The following DST variants were observed in gnomAD, a reference collection of about 807,000 sequenced individuals.
The protein encoded by DST is dystonin.
DST carries 253 observed loss-of-function variants against 875.2 expected under a neutral mutation model. The ratio of observed to expected loss-of-function variants is 0.29; its 90% CI spans 0.26 to 0.32. The LOEUF is 0.32. Among genes scored for constraint, DST ranks in the 10% least tolerant of loss-of-function variants. The pLI is 1.00. For synonymous variants in DST, 3,124 were observed against 3,197.1 expected (o/e 0.98, Z 0.77); for missense variants, 8,287 against 9,111.6 (o/e 0.91, Z 3.68).
intron 3 of DST, among the ~76,000 whole-genome samples, chr6:56,868,594 A>G (rs1236151311): frequency 6.6e-6 from 1 of 152,204 alleles, no homozygotes; most frequent in African/African-American, 2.4e-5. Flanking sequence ...GGACTACAAC[A>G]TTTTTTTAGA....
Position 56,529,951 on chromosome 6 carries a change from C to T in DST, c.17268+23G>A, listed in dbSNP as rs769353252. 3.7e-5 allele frequency: 60 copies of T among 1,611,170 alleles called. No individual in the cohort carries two copies. In the South Asian group the frequency reaches 4.8e-4, roughly 13 times the overall value. ...ACCACACAATAAAAACTGAACCTCG[C>T]TAATGTGTGATTTATATCTTACTTT... On this transcript the variant is annotated intron_variant, in intron 65 of 103. Coordinates refer to ENST00000680361, the MANE Select transcript of DST (RefSeq NM_001374736.1).
In DST at chr6:56,485,452, C is replaced by T. The variant is rs756424409; in HGVS notation, c.21067G>A (p.Ala7023Thr). Residue 7023 changes from alanine (A) to threonine (T), a missense_variant, in exon 88 of 104, where the codon GCC becomes ACC. Ala to Thr is a moderately conservative substitution (Grantham distance 58). Coordinates refer to ENST00000680361, the MANE Select transcript of DST (RefSeq NM_001374736.1). ...SVERQNKLEE[A>T]LLFSGQFTDA... ...GTGAATTGTCCAGAAAATAACAGGG[C>T]TTCCTCCAATTTGTTTTGTCTAGGG... 3.1e-6 allele frequency: 5 copies of T among 1,613,534 alleles called. No individual in the cohort carries two copies. The African/African-American group carries it at 5.3e-5, about 17-fold the overall frequency.
intron 15 of DST, chr6:56,642,823 T>G (rs550343296): frequency 1.9e-6 from 3 of 1,612,898 alleles, no homozygotes; most frequent in African/African-American, 1.3e-5. Flanking sequence ...TCTTTCACCT[T>G]TCAAAGTAGA....
At chr6:56,586,988 C>G (rs935073891) in intron 49 of DST, among the ~76,000 whole-genome samples, 2 of 152,186 alleles carry the variant, frequency 1.3e-5, no homozygotes, top group Non-Finnish European at 2.9e-5. Flanking sequence ...ACTGGAAACT[C>G]TAAAAAGTGG....
intron 36 of DST, chr6:56,615,932 C>A: frequency 6.2e-7 from 1 of 1,614,200 alleles, no homozygotes; most frequent in Non-Finnish European, 8.5e-7. Context: ...CTGGGCAAAC[C>A]CCTCATCAAC....
chr6:56,608,328 G>C lies in DST; in HGVS notation c.6300C>G (p.Ile2100Met). ...CAGCTATTTTTTGTCTGCCATTCAGGATTTTGTAGGCCAATTCATTTGTAA... is the reference window on the plus strand; with the variant it reads ...CAGCTATTTTTTGTCTGCCATTCAGCATTTTGTAGGCCAATTCATTTGTAA... ...ELITNELAYK[I>M]LNGRQKIAAL... Residue 2100 changes from isoleucine (I) to methionine (M), a missense_variant, in exon 40 of 104, where the codon ATC becomes ATG. Ile to Met is a conservative substitution (Grantham distance 10). Around this residue, in one of 10 missense-constraint regions of DST, gnomAD observed 3,138 missense variants for 3,116.6 expected, o/e 1.01. Transcript: ENST00000680361. The C allele has an allele frequency of 1.2e-6, 2 of 1,612,806 alleles. No individual in the cohort carries two copies. Among genetic ancestry groups the C allele is most frequent in the African/African-American group, 1.3e-5 (1 of 75,014 alleles).
chr6:56,509,226 G>C (rs546822489), intron 74 of DST, among the ~76,000 whole-genome samples: 4 of 152,094 alleles, frequency 2.6e-5, no homozygotes, highest in Admixed American at 2.6e-4. Flanking sequence ...CCCTCAGCTC[G>C]TATCTCAAAG....
chr6:56,588,374 T>C (rs1354670890), intron 49 of DST, among the ~76,000 whole-genome samples: 1 of 152,190 alleles, frequency 6.6e-6, no homozygotes, highest in African/African-American at 2.4e-5. Flanking sequence ...TGAACTTGGC[T>C]CTTCTTCACC....
chr6:56,864,737 C>T (rs982382703), intron 3 of DST, among the ~76,000 whole-genome samples: 2 of 152,080 alleles, frequency 1.3e-5, no homozygotes, highest in African/African-American at 4.8e-5. Context: ...ATTTCCATAG[C>T]ATTTTATTAT....
Position 56,909,107 on chromosome 6 carries a change from T to C in DST, c.217-8486A>G, listed in dbSNP as rs148446675. ...CAAGAACCCTCTCTGGGGGTCTCAA[T>C]CAGGACTCCTTTCCTGTAACACCAC... On this transcript the variant is annotated intron_variant, in intron 2 of 103. Coordinates refer to ENST00000680361, the MANE Select transcript of DST (RefSeq NM_001374736.1). 6.3e-3 allele frequency among the ~76,000 whole-genome samples: 966 copies of C among 152,326 alleles called. 1 individual carries two copies. The highest frequency in any genetic ancestry group is 0.01 in the Non-Finnish European group (699 of 68,022).
chr6:56,691,429 T>C (rs1049611445), intron 9 of DST, among the ~76,000 whole-genome samples: 5 of 152,178 alleles, frequency 3.3e-5, no homozygotes, highest in Non-Finnish European at 7.3e-5. Flanking sequence ...TGGCGCACAC[T>C]AACCCTCATA....
intron 72 of DST, among the ~76,000 whole-genome samples, chr6:56,514,104 T>A (rs1359691969): frequency 6.6e-6 from 1 of 152,216 alleles, no homozygotes; most frequent in Non-Finnish European, 1.5e-5. Flanking sequence ...GCTTAAAGAT[T>A]ATGCAAAAAG....
rs201953668 is a variant in DST, at chr6:56,640,652, T to C, written c.2028-47A>G. The stretch of plus-strand genomic sequence containing the variant: ...ATAAGGTGAAATATAAAGGCACTTG[T>C]AACAAAGAGTGAACTCTAATGTTAA... On this transcript the variant is annotated intron_variant, in intron 17 of 103. Transcript: ENST00000680361. The C allele has an allele frequency of 2.7e-4, 370 of 1,371,910 alleles. No individual in the cohort carries two copies. In the Middle Eastern group the frequency reaches 3.9e-3, roughly 14 times the overall value. 85.0% of individuals were successfully genotyped at this position (1,371,910 alleles called of 1,614,324 possible).
At chr6:56,588,346 A>T (rs1219469112) in intron 49 of DST, among the ~76,000 whole-genome samples, 1 of 152,140 alleles carries the variant, frequency 6.6e-6, no homozygotes, top group Non-Finnish European at 1.5e-5. Flanking sequence ...TTTTTCATGC[A>T]ACCTACCCCC....
intron 3 of DST, among the ~76,000 whole-genome samples, chr6:56,891,226 C>T (rs1374230680): frequency 6.6e-6 from 1 of 152,168 alleles, no homozygotes; most frequent in East Asian, 1.9e-4. Context: ...TGACAACGTC[C>T]AGTCTCTCAG....
intron 78 of DST, among the ~76,000 whole-genome samples, chr6:56,501,908 G>C (rs1256877651): frequency 6.6e-6 from 1 of 151,992 alleles, no homozygotes; most frequent in African/African-American, 2.4e-5. Context: ...TGGATGGATA[G>C]ATGTTTCTAT....
Position 56,794,910 on chromosome 6 carries a change from T to C in DST, c.625+56487A>G, listed in dbSNP as rs140348655. 9.1e-3 allele frequency among the ~76,000 whole-genome samples: 1,384 copies of C among 152,160 alleles called. 17 individuals carry two copies. The highest frequency in any genetic ancestry group is 0.031 in the African/African-American group (1,273 of 41,514). The stretch of plus-strand genomic sequence containing the variant: ...ATTCTGATCCCAGGAGTTCCCCCAC[T>C]GCAATGACCCAGCCAGATCCTATGG... On this transcript the variant is annotated intron_variant, in intron 4 of 103. Transcript: ENST00000680361.
At chr6:56,741,319 G>A (rs1052522949) in intron 4 of DST, among the ~76,000 whole-genome samples, 4 of 152,254 alleles carry the variant, frequency 2.6e-5, no homozygotes, top group South Asian at 4.1e-4. Flanking sequence ...ATTATGATCC[G>A]TAACTAAAGT....
At chr6:56,824,656 C>T (rs926594674) in intron 4 of DST, among the ~76,000 whole-genome samples, 2 of 152,176 alleles carry the variant, frequency 1.3e-5, no homozygotes, top group Admixed American at 6.5e-5. Context: ...TGACCGGCCG[C>T]GACCCCGTCT....
Sources: allele counts gnomAD v4.1 joint callset (sites outside exome capture counted in the v4.1 genomes callset), GRCh38; gene constraint gnomAD v4.1.1; regional missense constraint gnomAD v4.1.1; transcripts MANE v1.5; gene names NCBI Gene and HGNC (gene_info 2026-07-23, HGNC 2026-07-21).